The following LLGL1 variants were observed in gnomAD, a reference collection of about 807,000 sequenced individuals.
LLGL1 encodes the protein LLGL scribble cell polarity complex component 1.
LLGL1 carries 58 observed loss-of-function variants against 110.6 expected under a neutral mutation model. The ratio of observed to expected loss-of-function variants is 0.52; its 90% CI spans 0.42 to 0.65. LLGL1 has a LOEUF of 0.65. LLGL1 is among the 30% of genes least tolerant of loss of function. The pLI, the probability that LLGL1 is intolerant of heterozygous loss-of-function variation, is 0.00. For synonymous variants in LLGL1, 674 were observed against 607.2 expected (o/e 1.11, Z -1.62); for missense variants, 1,229 against 1,462.1 (o/e 0.84, Z 2.60).
Position 18,240,902 on chromosome 17 carries a change from TG to T in LLGL1, c.2502+34del. ...AGCCACTGTGGGCTGTGGGGGACTC[TG>T]GGGGACTCCCCTCCAGGCCCCAACC... On this transcript the variant is annotated intron_variant, in intron 17 of 22. Transcript: ENST00000316843. The surrounding 1 kb of genome is among the most constrained non-coding windows in gnomAD (Gnocchi z 5.3). 6.7e-7 allele frequency: 1 copy of T among 1,487,736 alleles called. No individual in the cohort carries two copies. The allele number at this position is 1,487,736 out of a possible 1,614,324, so 92.2% of individuals were successfully genotyped here.
chr17:18,228,581 G>A (rs1233543531), intron 1 of LLGL1, among the ~76,000 whole-genome samples: 1 of 152,122 alleles, frequency 6.6e-6, no homozygotes, highest in Non-Finnish European at 1.5e-5. Context: ...TGGACTGGAC[G>A]TGGGGTATGA....
chr17:18,232,824 G>A (rs762339206), intron 4 of LLGL1, 22 bp downstream of exon 4: 1 of 1,613,356 alleles, frequency 6.2e-7, no homozygotes, highest in South Asian at 1.1e-5. Flanking sequence ...CTTGGCTGGG[G>A]CCAGCCACCG....
At chr17:18,239,752 T>C (rs934940920) in intron 16 of LLGL1, among the ~76,000 whole-genome samples, 5 of 151,940 alleles carry the variant, frequency 3.3e-5, no homozygotes, top group Admixed American at 2.6e-4. Context: ...GGGGGTTCTT[T>C]GACTTTTTGT....
chr17:18,243,503 C>T (rs562703092), intron 22 of LLGL1, among the ~76,000 whole-genome samples: 6 of 152,354 alleles, frequency 3.9e-5, no homozygotes, highest in African/African-American at 1.2e-4. Context: ...CTGAGGTGCA[C>T]GAGGTCAGGT....
At chr17:18,232,010 G>A (rs2047581987) in intron 2 of LLGL1, among the ~76,000 whole-genome samples, 1 of 152,204 alleles carries the variant, frequency 6.6e-6, no homozygotes, top group African/African-American at 2.4e-5. Context: ...TGTGGGAAAA[G>A]GCAGCCTGGA....
chr17:18,234,142 G>T lies in LLGL1; in HGVS notation c.681G>T (p.Ser227=), dbSNP rs751088236. The part of the protein sequence containing the change: ...RGLLVIWNQA[S]QCVDHIFLGN... ...TGCTGGTCATCTGGAACCAGGCCTC[G>T]CAGTGTGTGGACCACATCTTCCTGG... Residue 227 remains serine (S), a synonymous_variant, in exon 6 of 23, where the codon TCG becomes TCT. Coordinates refer to ENST00000316843, the MANE Select transcript of LLGL1 (RefSeq NM_004140.4). The T allele has an allele frequency of 1.2e-5, 19 of 1,609,678 alleles. No individual in the cohort carries two copies. The highest frequency in any genetic ancestry group is 3.3e-5 in the Admixed American group (2 of 59,792).
chr17:18,233,663 C>A (rs2047619285), intron 4 of LLGL1, 115 bp from the exon 5 acceptor site: 2 of 1,148,174 alleles, frequency 1.7e-6, no homozygotes, highest in Non-Finnish European at 2.5e-6. Context: ...TAAGTAGGCC[C>A]TGGTGAGTGC....
intron 2 of LLGL1, among the ~76,000 whole-genome samples, chr17:18,231,510 G>T (rs1341898778): frequency 6.6e-6 from 1 of 152,196 alleles, no homozygotes; most frequent in East Asian, 1.9e-4. Flanking sequence ...GAGTTGCCGG[G>T]ACTCAGGCAC....
chr17:18,244,094 A>G lies in LLGL1; in HGVS notation c.*188A>G. ...ACCAGCCCCAGGGTGTGGGCCTGGG[A>G]CCTGGGCCAGAACTGAGCCCTCCTG... On this transcript the variant is annotated 3_prime_UTR_variant, in exon 23 of 23. Transcript: ENST00000316843. 1 of 152,170 alleles carries G rather than the reference A, an allele frequency of 6.6e-6. No individual in the cohort carries two copies. The highest frequency in any genetic ancestry group is 1.5e-5 in the Non-Finnish European group (1 of 68,094). The allele number at this position is 152,170 out of a possible 1,614,324, so 9.4% of individuals were successfully genotyped here.
intron 20 of LLGL1, 94 bp downstream of exon 20, chr17:18,242,372 C>T: frequency 1.9e-6 from 3 of 1,544,280 alleles, no homozygotes; most frequent in Non-Finnish European, 2.7e-6. Flanking sequence ...GGGCAGGCTT[C>T]TGTAGGAGAT....
intron 16 of LLGL1, among the ~76,000 whole-genome samples, chr17:18,239,690 T>C (rs1405909268): frequency 6.6e-6 from 1 of 152,094 alleles, no homozygotes; most frequent in African/African-American, 2.4e-5. Context: ...TCGAGGGTCT[T>C]TGTGCAGTGG....
intron 2 of LLGL1, 78 bp downstream of exon 2, chr17:18,230,116 C>A: frequency 1.8e-6 from 2 of 1,136,572 alleles, no homozygotes; most frequent in Admixed American, 1.9e-5. Flanking sequence ...GGGTCCCAGT[C>A]TTGGCAGTGT....
rs145768685 is a variant in LLGL1 at position 18,238,526 on chromosome 17, G to A, written c.2123G>A (p.Arg708His). 2.8e-4 allele frequency: 459 copies of A among 1,612,746 alleles called. 2 individuals are homozygous for A. The highest frequency in any genetic ancestry group is 7.8e-4 in the East Asian group (35 of 44,884). ...GACGTGGAGATGACGCCCGTGCAGC[G>A]CCGCATTGAGCCCCGCTCTGCCGAT... ...PHDVEMTPVQRRIEPRSADDS... is the reference protein window; with the variant it reads ...PHDVEMTPVQHRIEPRSADDS... Residue 708 changes from arginine (R) to histidine (H), a missense_variant, in exon 16 of 23, where the codon CGC becomes CAC. Coordinates refer to ENST00000316843, the MANE Select transcript of LLGL1 (RefSeq NM_004140.4).
chr17:18,225,712 C>T lies in LLGL1; in HGVS notation c.30C>T (p.Gly10=). The T allele has an allele frequency of 1.9e-6, 2 of 1,052,846 alleles. No individual in the cohort carries two copies. The highest frequency in any genetic ancestry group is 2.3e-6 in the Non-Finnish European group (2 of 863,088). 65.2% of individuals were successfully genotyped at this position (1,052,846 alleles called of 1,614,324 possible). Residue 10 remains glycine, a synonymous_variant, in exon 1 of 23, where the codon GGC becomes GGT. Transcript: ENST00000316843. The part of the protein sequence containing the change: MMKFRFRRQ[G]ADPQREKLKQ... ...TGAAGTTTCGGTTCCGGCGGCAGGGCGCCGACCCGCAGCGCGAGAAGCTCA... is the reference window on the plus strand; with the variant it reads ...TGAAGTTTCGGTTCCGGCGGCAGGGTGCCGACCCGCAGCGCGAGAAGCTCA...
Position 18,237,715 on chromosome 17 carries a change from G to C in LLGL1, c.1846G>C (p.Gly616Arg). Residue 616 changes from glycine (G) to arginine (R), a missense_variant, in exon 14 of 23, where the codon GGC (glycine) becomes CGC (arginine). By Grantham distance (125) the Gly-to-Arg change is moderately radical (BLOSUM62 -2). Coordinates refer to ENST00000316843, the MANE Select transcript of LLGL1 (RefSeq NM_004140.4). ...LHTEWSLVAF[G>R]TSHGFGLFDY... ...CACCGAGTGGAGCCTCGTGGCTTTT[G>C]GCACCAGTCATGGCTTTGGCCTCTT... 3 of 1,613,028 alleles carry C rather than the reference G, an allele frequency of 1.9e-6. No homozygotes were observed. Among genetic ancestry groups the C allele is most frequent in the Non-Finnish European group, 2.5e-6 (3 of 1,179,978 alleles).
intron 13 of LLGL1, 105 bp from the exon 14 acceptor site, chr17:18,237,376 C>G (rs959134599): frequency 2.6e-6 from 3 of 1,162,614 alleles, no homozygotes; most frequent in Non-Finnish European, 2.4e-6. Flanking sequence ...AGTCCTAGAA[C>G]CACCTTGGTG....
chr17:18,237,943 G>C (rs2047732838), intron 14 of LLGL1, 124 bp from the exon 15 acceptor site: 4 of 1,325,012 alleles, frequency 3.0e-6, no homozygotes, highest in Non-Finnish European at 2.1e-6. Flanking sequence ...CTGCAGCTGG[G>C]TCCATAGGAC....
At position 18,235,510 on chromosome 17, in the gene LLGL1, C is replaced by CGTCACA. The variant is rs754653915; in HGVS notation, c.1327_1332dup (p.Ser443_Gln444dup). 9.9e-6 allele frequency: 16 copies of CGTCACA among 1,613,850 alleles called. No individual in the cohort carries two copies. Among genetic ancestry groups the CGTCACA allele is most frequent in the Non-Finnish European group, 1.3e-5 (15 of 1,180,012 alleles). On this transcript the variant is annotated inframe_insertion, in exon 11 of 23. Transcript: ENST00000316843. The stretch of plus-strand genomic sequence containing the variant: ...GGGGGCCGAAACCTGGCCCAGGAGC[C>CGTCACA]GTCACAGCGAGGGCTGCTGCTGACG...
Position 18,234,053 on chromosome 17 carries a change from G to A in LLGL1, c.592G>A (p.Val198Met), listed in dbSNP as rs770272015. ...DYRCGKALGP[V>M]ESLQGHLRDP... is the part of the protein sequence containing the mutation. ...CCGCTGTGGGAAGGCACTGGGCCCC[G>A]TGGAGTCACTCCAGGGACACCTGCG... The change falls in exon 6 of 23, where the codon GTG (valine) becomes ATG (methionine). Residue 198 changes from valine to methionine, a missense_variant. Val to Met is a conservative substitution (Grantham distance 21). Coordinates refer to ENST00000316843, the MANE Select transcript of LLGL1 (RefSeq NM_004140.4). The A allele has an allele frequency of 2.5e-6, 4 of 1,602,062 alleles. No homozygotes were observed. Among genetic ancestry groups the A allele is most frequent in the Non-Finnish European group, 3.4e-6 (4 of 1,172,116 alleles).
Sources: allele counts gnomAD v4.1 joint callset (sites outside exome capture counted in the v4.1 genomes callset), GRCh38; gene constraint gnomAD v4.1.1; non-coding constraint Gnocchi (gnomAD v3.1); transcripts MANE v1.5; gene names NCBI Gene and HGNC (gene_info 2026-07-23, HGNC 2026-07-21).